CSRNP3: variants seen among roughly 807,000 people sequenced by gnomAD.
CSRNP3 encodes the protein cysteine/serine-rich nuclear protein 3.
Under a neutral mutation model 48.0 loss-of-function variants are expected in CSRNP3, and 12 were observed. The ratio of observed to expected loss-of-function variants is 0.25; its 90% CI spans 0.16 to 0.41. The LOEUF is 0.41. CSRNP3 is among the 10% of genes least tolerant of loss of function. CSRNP3 has a pLI of 1.00. For missense variants in CSRNP3, 580 were observed against 724.4 expected, an observed-to-expected ratio of 0.80 and a Z score of 2.29; for synonymous variants, 263 against 269.7, an observed-to-expected ratio of 0.98 and a Z score of 0.24.
At chr2:165,637,874 A>G (rs1686657206) in intron 4 of CSRNP3, among the ~76,000 whole-genome samples, 1 of 152,230 alleles carries the variant, frequency 6.6e-6, no homozygotes, top group Admixed American at 6.5e-5. Context: ...TACAACCAGT[A>G]TTCGCATTGT....
At chr2:165,477,162 A>G (rs1232691618) in intron 1 of CSRNP3, among the ~76,000 whole-genome samples, 2 of 152,136 alleles carry the variant, frequency 1.3e-5, no homozygotes, top group East Asian at 3.8e-4. Flanking sequence ...CATTTTCAAA[A>G]TTGGGGCATA....
chr2:165,523,810 T>C (rs1258570247), intron 3 of CSRNP3, among the ~76,000 whole-genome samples: 1 of 152,182 alleles, frequency 6.6e-6, no homozygotes, highest in Non-Finnish European at 1.5e-5. Context: ...TCAAACAACA[T>C]GCCCACAAAA....
At chr2:165,470,136 G>C (rs1339935450) in intron 1 of CSRNP3, among the ~76,000 whole-genome samples, 1 of 152,080 alleles carries the variant, frequency 6.6e-6, no homozygotes, top group Non-Finnish European at 1.5e-5. Context: ...AGAAAATGGA[G>C]CCTTCTGTGA....
intron 4 of CSRNP3, 29 bp downstream of exon 4, chr2:165,595,242 A>G: frequency 1.3e-6 from 2 of 1,579,516 alleles, no homozygotes; most frequent in Non-Finnish European, 1.7e-6. Flanking sequence ...ACCGAAGTCA[A>G]TTGTCTGGTT....
At chr2:165,627,942 T>C (rs1686466424) in intron 4 of CSRNP3, among the ~76,000 whole-genome samples, 1 of 152,238 alleles carries the variant, frequency 6.6e-6, no homozygotes, top group African/African-American at 2.4e-5. Flanking sequence ...TTCTCTCCAG[T>C]GCCCTGCTAT....
intron 3 of CSRNP3, among the ~76,000 whole-genome samples, chr2:165,593,354 G>C (rs1685754134): frequency 1.3e-5 from 2 of 152,172 alleles, no homozygotes; most frequent in South Asian, 4.1e-4. Flanking sequence ...CCTCAATTTT[G>C]AGTGTGTTGC....
At chr2:165,664,164 T>A (rs958703294) in intron 5 of CSRNP3, among the ~76,000 whole-genome samples, 3 of 152,220 alleles carry the variant, frequency 2.0e-5, no homozygotes, top group African/African-American at 7.2e-5. Flanking sequence ...AATTAACAGC[T>A]AATGAGCTAA....
chr2:165,630,208 C>G (rs1421120791), intron 4 of CSRNP3, among the ~76,000 whole-genome samples: 1 of 152,082 alleles, frequency 6.6e-6, no homozygotes, highest in Admixed American at 6.6e-5. Flanking sequence ...AAAATAAATT[C>G]TGGCGTTCTT....
chr2:165,677,583 TA>T (rs34615804), intron 6 of CSRNP3, among the ~76,000 whole-genome samples: 59,765 of 144,660 alleles, frequency 0.41, 12,997 homozygotes, highest in Non-Finnish European at 0.51. Flanking sequence ...GATTCATGAG[TA>T]AAAAAAAAAA....
intron 5 of CSRNP3, among the ~76,000 whole-genome samples, chr2:165,666,148 G>A (rs1376313723): frequency 7.4e-6 from 1 of 136,008 alleles, no homozygotes; most frequent in African/African-American, 2.8e-5. Context: ...GAAGGAAAGA[G>A]AGAGGAAGAA....
At chr2:165,665,762 G>A (rs1240951564) in intron 5 of CSRNP3, among the ~76,000 whole-genome samples, 1 of 127,718 alleles carries the variant, frequency 7.8e-6, no homozygotes, top group African/African-American at 3.5e-5. Context: ...GTGAGATTCT[G>A]GGAAAAGAAA....
At chr2:165,602,895 T>A (rs897287758) in intron 4 of CSRNP3, among the ~76,000 whole-genome samples, 3 of 152,080 alleles carry the variant, frequency 2.0e-5, no homozygotes, top group East Asian at 1.9e-4. Context: ...TTTATTTTTT[T>A]ATTTTTTTTA....
At chr2:165,623,354 A>G (rs905298604) in intron 4 of CSRNP3, among the ~76,000 whole-genome samples, 2 of 152,134 alleles carry the variant, frequency 1.3e-5, no homozygotes, top group African/African-American at 4.8e-5. Flanking sequence ...CACAGATCCT[A>G]TTGTGAACCG....
intron 3 of CSRNP3, among the ~76,000 whole-genome samples, chr2:165,576,317 A>G (rs1376921687): frequency 6.6e-6 from 1 of 151,954 alleles, no homozygotes; most frequent in Non-Finnish European, 1.5e-5. Context: ...TATTTAATTC[A>G]GTAGCGCCTG....
At chr2:165,549,178 G>T (rs1353739803) in intron 3 of CSRNP3, among the ~76,000 whole-genome samples, 2 of 151,958 alleles carry the variant, frequency 1.3e-5, no homozygotes, top group Non-Finnish European at 2.9e-5. Flanking sequence ...ATATTGTGAA[G>T]ATGATTTTAT....
chr2:165,515,588 C>T (rs1324120095), intron 2 of CSRNP3, among the ~76,000 whole-genome samples: 6 of 151,312 alleles, frequency 4.0e-5, no homozygotes, highest in Non-Finnish European at 2.9e-5. Flanking sequence ...AACGAAATAG[C>T]ATCCTCATTT....
intron 3 of CSRNP3, among the ~76,000 whole-genome samples, chr2:165,551,737 C>A (rs1375595896): frequency 6.6e-6 from 1 of 151,950 alleles, no homozygotes; most frequent in Non-Finnish European, 1.5e-5. Flanking sequence ...TACCGTGAAA[C>A]CTTGGATTAC....
chr2:165,579,921 C>CTTTTTTTTTTTT (rs147087270), intron 3 of CSRNP3, among the ~76,000 whole-genome samples: 1 of 70,588 alleles, frequency 1.4e-5, no homozygotes, highest in Non-Finnish European at 2.6e-5. Flanking sequence ...CATGACTCTA[C>CTTTTTTTTTTTT]TTTTTTTTTT....
At chr2:165,543,985 T>C (rs539278566) in intron 3 of CSRNP3, among the ~76,000 whole-genome samples, 41 of 148,688 alleles carry the variant, frequency 2.8e-4, no homozygotes, top group Non-Finnish European at 4.6e-4. Flanking sequence ...TATTATATTA[T>C]GTTTGTATAT....
Sources: allele counts gnomAD v4.1 joint callset (sites outside exome capture counted in the v4.1 genomes callset), GRCh38; gene constraint gnomAD v4.1.1; transcripts MANE v1.5; gene names NCBI Gene and HGNC (gene_info 2026-07-23, HGNC 2026-07-21).